The following NAA60 variants were observed in gnomAD, a reference collection of about 807,000 sequenced individuals.
The protein encoded by NAA60 is N-alpha-acetyltransferase 60.
NAA60 carries 8 observed loss-of-function variants against 26.1 expected under a neutral mutation model. The ratio of observed to expected loss-of-function variants is 0.31; its 90% CI spans 0.18 to 0.55. The LOEUF (loss-of-function observed/expected upper bound fraction) is 0.55. Ranked by LOEUF, NAA60 falls within the 20% of genes least tolerant of loss-of-function variation. NAA60 has a pLI of 0.93. For synonymous variants in NAA60, 131 were observed against 122.5 expected, an observed-to-expected ratio of 1.07 and a Z score of -0.46; for missense variants, 290 against 311.3, an observed-to-expected ratio of 0.93 and a Z score of 0.51.
intron 2 of NAA60, among the ~76,000 whole-genome samples, chr16:3,451,378 A>G (rs578236919): frequency 6.6e-6 from 1 of 152,300 alleles, no homozygotes; most frequent in South Asian, 2.1e-4. Flanking sequence ...ATTTTTCACC[A>G]ATGTATCCTT....
intron 6 of NAA60, 44 bp downstream of exon 6, chr16:3,483,641 A>G (rs1212181257): frequency 1.3e-6 from 2 of 1,492,374 alleles, no homozygotes; most frequent in Admixed American, 1.8e-5. Flanking sequence ...CTTCCTGTCC[A>G]TAAGGTGGCA....
rs1347056217 is a variant in NAA60 at position 3,476,369 on chromosome 16, G to C, written c.110+32G>C. On this transcript the variant is annotated intron_variant, in intron 3 of 7. Coordinates refer to ENST00000407558, the MANE Select transcript of NAA60 (RefSeq NM_001083601.3). ...GGAGCGGATTGCAGGGTTGGGGAGAGCCCGTGAGCCTCAGGTGCAGAAGCT... is the reference window on the plus strand; with the variant it reads ...GGAGCGGATTGCAGGGTTGGGGAGACCCCGTGAGCCTCAGGTGCAGAAGCT... The C allele has an allele frequency of 1.9e-6, 3 of 1,579,682 alleles. No individual in the cohort carries two copies. The South Asian group carries it at 3.4e-5, about 18-fold the overall frequency.
chr16:3,450,757 T>G (rs918059970), intron 2 of NAA60, among the ~76,000 whole-genome samples: 1 of 151,514 alleles, frequency 6.6e-6, no homozygotes, highest in Non-Finnish European at 1.5e-5. Flanking sequence ...GCATACAGGT[T>G]TTAATGATGA....
intron 3 of NAA60, among the ~76,000 whole-genome samples, chr16:3,478,825 C>T (rs898060176): frequency 6.6e-6 from 1 of 152,214 alleles, no homozygotes; most frequent in Non-Finnish European, 1.5e-5. Flanking sequence ...AGGCACTCCT[C>T]CAGTGTCCAA....
chr16:3,458,800 A>C (rs1427998659), intron 2 of NAA60, among the ~76,000 whole-genome samples: 1 of 152,140 alleles, frequency 6.6e-6, no homozygotes, highest in Non-Finnish European at 1.5e-5. Flanking sequence ...TACAGAACCC[A>C]CACCCCCAGC....
At position 3,468,741 on chromosome 16, in the gene NAA60, C is replaced by A. The variant is rs532743293; in HGVS notation, c.-6-7481C>A. 1.7e-3 allele frequency among the ~76,000 whole-genome samples: 259 copies of A among 152,312 alleles called. 2 individuals carry two copies. The highest frequency in any genetic ancestry group is 2.0e-3 in the Non-Finnish European group (138 of 68,030). Reference sequence around the variant, plus strand: ...AGGCCAGCCAGGAGAGATTTCTCACCCCAGGCTCGAGCCTTTGAAGCTCCA... The same window carrying A: ...AGGCCAGCCAGGAGAGATTTCTCACACCAGGCTCGAGCCTTTGAAGCTCCA... On this transcript the variant is annotated intron_variant, in intron 2 of 7. Coordinates refer to ENST00000407558, the MANE Select transcript of NAA60 (RefSeq NM_001083601.3).
intron 2 of NAA60, 167 bp from the exon 3 acceptor site, chr16:3,476,055 G>A: frequency 1.7e-6 from 1 of 586,738 alleles, no homozygotes; most frequent in Non-Finnish European, 3.0e-6. Context: ...GGCGACTGCA[G>A]CGCCTCTTGG....
rs2034433712 is a variant in NAA60, at chr16:3,443,695, G to T, written c.-219G>T. 1.2e-5 allele frequency: 17 copies of T among 1,407,816 alleles called. No homozygotes were observed. Among genetic ancestry groups the T allele is most frequent in the Non-Finnish European group, 1.5e-5 (16 of 1,082,010 alleles). The allele number at this position is 1,407,816 out of a possible 1,614,324, so 87.2% of individuals were successfully genotyped here. A position where few individuals can be genotyped will look rare whatever the true frequency, so the allele number is the denominator to read the frequency against. On this transcript the variant is annotated 5_prime_UTR_variant, in exon 1 of 8. Transcript: ENST00000407558. Reference sequence around the variant, plus strand: ...GCAACCATTTCCGCTTCCGCTGGCGGGGTCTCCTCCGTGAGCTCCGGGCCT... The same window carrying T: ...GCAACCATTTCCGCTTCCGCTGGCGTGGTCTCCTCCGTGAGCTCCGGGCCT...
chr16:3,448,220 G>A (rs1454380856), intron 1 of NAA60, among the ~76,000 whole-genome samples: 1 of 147,102 alleles, frequency 6.8e-6, no homozygotes, highest in Admixed American at 7.0e-5. Context: ...GCTGCAGTGA[G>A]CTAGCATTGT....
At chr16:3,483,951 CCT>C (rs1290335104) in intron 6 of NAA60, among the ~76,000 whole-genome samples, 1 of 152,170 alleles carries the variant, frequency 6.6e-6, no homozygotes, top group Non-Finnish European at 1.5e-5. Flanking sequence ...GACAGGATCC[CCT>C]GTCCTCCCAG....
At position 3,486,572 on chromosome 16, in the gene NAA60, G is replaced by A. The variant is rs1485016002; in HGVS notation, c.*1312G>A. On this transcript the variant is annotated 3_prime_UTR_variant, in exon 8 of 8. Transcript: ENST00000407558. ...GCCCTCAGAATGAAGGCAGGCACCA[G>A]GCAGGAGCAGCATCCCCCTCCTTGA... 6.6e-6 allele frequency: 1 copy of A among 152,408 alleles called. No individual in the cohort carries two copies. The highest frequency in any genetic ancestry group is 1.5e-5 in the Non-Finnish European group (1 of 68,188). The allele number at this position is 152,408 out of a possible 1,614,324, so 9.4% of individuals were successfully genotyped here. A position where few individuals can be genotyped will look rare whatever the true frequency, so the allele number is the denominator to read the frequency against.
intron 2 of NAA60, among the ~76,000 whole-genome samples, chr16:3,467,454 C>T (rs187976642): frequency 5.6e-4 from 85 of 152,242 alleles, no homozygotes; most frequent in African/African-American, 1.8e-3. Flanking sequence ...CCTTTCCAAG[C>T]GCAGCATGAC....
chr16:3,443,696 G>T lies in NAA60; in HGVS notation c.-218G>T. On this transcript the variant is annotated 5_prime_UTR_variant, in exon 1 of 8. Transcript: ENST00000407558. ...CAACCATTTCCGCTTCCGCTGGCGG[G>T]GTCTCCTCCGTGAGCTCCGGGCCTG... 7.1e-7 allele frequency: 1 copy of T among 1,412,410 alleles called. No homozygotes were observed. The highest frequency in any genetic ancestry group is 1.5e-5 in the African/African-American group (1 of 68,408). The allele number at this position is 1,412,410 out of a possible 1,614,324, so 87.5% of individuals were successfully genotyped here.
chr16:3,450,623 C>T (rs1481324355), intron 2 of NAA60, among the ~76,000 whole-genome samples: 1 of 149,310 alleles, frequency 6.7e-6, no homozygotes, highest in Non-Finnish European at 1.5e-5. Flanking sequence ...TGGTGTGAAC[C>T]CGGGAGGCGG....
At chr16:3,462,470 A>T (rs2035474435) in intron 2 of NAA60, 1 of 152,170 alleles carries the variant, frequency 6.6e-6, no homozygotes, top group Non-Finnish European at 1.5e-5. Flanking sequence ...TTCTTTCCAG[A>T]GTCTGTTACA....
chr16:3,458,067 C>T (rs1316811491), intron 2 of NAA60: 5 of 985,252 alleles, frequency 5.1e-6, no homozygotes, highest in Admixed American at 6.2e-5. Context: ...GCTGCGGCCC[C>T]TGCCGGTTAC....
intron 2 of NAA60, among the ~76,000 whole-genome samples, chr16:3,452,690 C>G (rs1432986990): frequency 6.6e-6 from 1 of 151,560 alleles, no homozygotes; most frequent in East Asian, 1.9e-4. Context: ...AGCATGGTGG[C>G]TCACACCAGT....
chr16:3,483,905 C>G (rs1390470224), intron 6 of NAA60: 1 of 393,402 alleles, frequency 2.5e-6, no homozygotes, highest in Non-Finnish European at 4.6e-6. Context: ...GAGCCTCCTG[C>G]TCCACTTGCA....
rs1216468076 is a variant in NAA60 at position 3,485,534 on chromosome 16, T to C, written c.*274T>C. 4 of 455,324 alleles carry C rather than the reference T, an allele frequency of 8.8e-6. No homozygotes were observed. The highest frequency in any genetic ancestry group is 1.8e-5 in the Non-Finnish European group (4 of 226,292). The allele number at this position is 455,324 out of a possible 1,614,324, so 28.2% of individuals were successfully genotyped here. A position where few individuals can be genotyped will look rare whatever the true frequency, so the allele number is the denominator to read the frequency against. Reference sequence around the variant, plus strand: ...TGCCCTGGCCCTGCCCCCCTGCGCATGCACCGTCCCCAGGGCTGACCCAGT... The same window carrying C: ...TGCCCTGGCCCTGCCCCCCTGCGCACGCACCGTCCCCAGGGCTGACCCAGT... On this transcript the variant is annotated 3_prime_UTR_variant, in exon 8 of 8. Transcript: ENST00000407558.
Sources: gnomAD v4.1 joint callset for allele counts (sites outside exome capture counted in the v4.1 genomes callset) on GRCh38, gnomAD v4.1.1 for gene constraint, MANE v1.5 for transcripts, NCBI Gene and HGNC (gene_info 2026-07-23, HGNC 2026-07-21) for gene names.